Variants in IL34 observed in about 807,000 individuals in gnomAD.
IL34 encodes interleukin 34, also known as interleukin-34.
IL34 carries 17 observed loss-of-function variants against 25.3 expected under a neutral mutation model. The observed-to-expected ratio is 0.67, with a 90% CI of 0.46 to 1.01. The LOEUF is 1.01. IL34 is among the 50% of genes least tolerant of loss of function. The pLI, the probability that IL34 is intolerant of heterozygous loss-of-function variation, is 0.00. For synonymous variants in IL34, 174 were observed against 140.9 expected (o/e 1.23, Z -1.66); for missense variants, 368 against 312.9 (o/e 1.18, Z -1.33).
chr16:70,644,927 GA>G (rs1567460949), upstream of IL34, among the ~76,000 whole-genome samples: 11 of 80,374 alleles, frequency 1.4e-4, no homozygotes, highest in African/African-American at 2.4e-4. Context: ...GAAGGAGGAG[GA>G]AGGAGGAAGA....
chr16:70,624,565 A>G (rs1261014839), intron 1 of IL34, among the ~76,000 whole-genome samples: 1 of 152,194 alleles, frequency 6.6e-6, no homozygotes, highest in African/African-American at 2.4e-5. Flanking sequence ...CAGCCAAACA[A>G]GTCATGAACT....
Position 70,628,778 on chromosome 16 carries a change from C to T in IL34, c.-400-17770C>T, listed in dbSNP as rs2051452904. Among the ~76,000 whole-genome samples the T allele has an allele frequency of 7.4e-5, 11 of 148,910 alleles. No individual in the cohort carries two copies. The South Asian group carries it at 2.1e-3, about 29-fold the overall frequency. ...CTGGGATTACAGGCATGAGCCATCACACCTGGTCTTTTTTTTTTTTTTTTT... is the reference window on the plus strand; with the variant it reads ...CTGGGATTACAGGCATGAGCCATCATACCTGGTCTTTTTTTTTTTTTTTTT... On this transcript the variant is annotated intron_variant, in intron 1 of 6. Coordinates refer to the IL34 transcript ENST00000429149.
At chr16:70,655,240 A>G (rs1042552907) in intron 2 of IL34, among the ~76,000 whole-genome samples, 1 of 150,440 alleles carries the variant, frequency 6.6e-6, no homozygotes, top group African/African-American at 2.5e-5. Flanking sequence ...TTTAGTAGAG[A>G]CGGGGTTTCA....
chr16:70,640,016 T>A (rs563826748), intron 1 of IL34, among the ~76,000 whole-genome samples: 1 of 152,210 alleles, frequency 6.6e-6, no homozygotes, highest in Admixed American at 6.5e-5. Context: ...ATCAGGAAAC[T>A]CTAGGCTGTA....
At chr16:70,603,867 C>G (rs1278127360) in intron 1 of IL34, among the ~76,000 whole-genome samples, 1 of 152,192 alleles carries the variant, frequency 6.6e-6, no homozygotes, top group Non-Finnish European at 1.5e-5. Flanking sequence ...CAGGTGTGCA[C>G]CACTGCACCT....
chr16:70,618,968 G>T (rs962865417), intron 1 of IL34, among the ~76,000 whole-genome samples: 2 of 152,158 alleles, frequency 1.3e-5, no homozygotes, highest in African/African-American at 4.8e-5. Context: ...ATGTAGAACA[G>T]AATAATGGGT....
chr16:70,627,711 C>A (rs1020168197), intron 1 of IL34, among the ~76,000 whole-genome samples: 3 of 152,174 alleles, frequency 2.0e-5, no homozygotes, highest in Non-Finnish European at 4.4e-5. Context: ...CTCAAGAGAT[C>A]TGCCTACTTC....
At chr16:70,628,493 ATTTT>A (rs899078206) in intron 1 of IL34, among the ~76,000 whole-genome samples, 35 of 146,290 alleles carry the variant, frequency 2.4e-4, no homozygotes, top group African/African-American at 7.9e-4. Flanking sequence ...TTATTTATTT[ATTTT>A]TTTTTTTGAG....
At chr16:70,657,552 G>A (rs1252391068) in intron 4 of IL34, among the ~76,000 whole-genome samples, 2 of 152,124 alleles carry the variant, frequency 1.3e-5, no homozygotes, top group Non-Finnish European at 2.9e-5. Flanking sequence ...CCAGCACTTT[G>A]GGAGGCCGAG....
At position 70,656,674 on chromosome 16, in the gene IL34, A is replaced by T. The variant is rs770948622; in HGVS notation, c.235A>T (p.Arg79Trp). The change falls in exon 3 of 6, where the codon AGG (arginine) becomes TGG (tryptophan). Residue 79 changes from arginine (R) to tryptophan (W), a missense_variant. Transcript: ENST00000288098. ...EGVFRIANVTRLQRAQVSERE... is the reference protein window; with the variant it reads ...EGVFRIANVTWLQRAQVSERE... ...GGTGTTCAGAATCGCCAACGTCACC[A>T]GGCTGGTGAGAATCCCTTCCTGGGC... 7.4e-7 allele frequency: 1 copy of T among 1,354,336 alleles called. No individual in the cohort carries two copies. The highest frequency in any genetic ancestry group is 1.1e-6 in the Non-Finnish European group (1 of 942,704). The allele number at this position is 1,354,336 out of a possible 1,614,324, so 83.9% of individuals were successfully genotyped here.
chr16:70,656,309 C>T lies in IL34; in HGVS notation c.163-293C>T, dbSNP rs151006108. 1.2e-3 allele frequency among the ~76,000 whole-genome samples: 178 copies of T among 152,118 alleles called. 1 individual carries two copies. The East Asian group carries it at 0.012, about 10-fold the overall frequency. ...CCCAGCACTTTGAGGGGCTTGAGCC[C>T]GGGATTCAAGACCAGCCTGGGCAAC... On this transcript the variant is annotated intron_variant, in intron 2 of 5. Transcript: ENST00000288098.
rs570353247 is a variant in IL34 at position 70,633,507 on chromosome 16, C to T, written c.-400-13041C>T. On this transcript the variant is annotated intron_variant, in intron 1 of 6. Transcript: ENST00000429149. ...TTCAAACTTCAGACCTCAAATGATC[C>T]TCCAACCTCGGCCTCCCAAAGTGCT... is the stretch of plus-strand genomic sequence containing the variant. 2.4e-4 allele frequency among the ~76,000 whole-genome samples: 37 copies of T among 152,042 alleles called. No individual in the cohort carries two copies. The South Asian group carries it at 4.8e-3, about 20-fold the overall frequency.
chr16:70,590,943 C>T (rs1020056090), intron 1 of IL34, among the ~76,000 whole-genome samples: 1 of 152,216 alleles, frequency 6.6e-6, no homozygotes. Flanking sequence ...TGCGCTGCCC[C>T]TCCCTCTGGC....
Position 70,654,681 on chromosome 16 carries a change from T to A in IL34, c.162+10T>A, listed in dbSNP as rs752203756. ...CCGACTTCAGTACATGGTAACCACG[T>A]GGGCACCAGCTGTGTCCCTGTCCCC... On this transcript the variant is annotated intron_variant, in intron 2 of 5. Transcript: ENST00000288098. The A allele has an allele frequency of 1.9e-6, 3 of 1,597,596 alleles. No homozygotes were observed. The highest frequency in any genetic ancestry group is 2.6e-6 in the Non-Finnish European group (3 of 1,167,552).
chr16:70,594,871 A>T (rs576039567), intron 1 of IL34, among the ~76,000 whole-genome samples: 2 of 151,732 alleles, frequency 1.3e-5, no homozygotes, highest in South Asian at 4.2e-4. Context: ...CTCTGGGCAG[A>T]TTCATATCAA....
intron 1 of IL34, among the ~76,000 whole-genome samples, chr16:70,630,624 G>T (rs888362628): frequency 6.7e-5 from 10 of 150,172 alleles, no homozygotes; most frequent in Non-Finnish European, 1.5e-4. Flanking sequence ...TGTCACCCAG[G>T]CATGATCAGT....
At chr16:70,604,678 A>T (rs926661359) in intron 1 of IL34, among the ~76,000 whole-genome samples, 2 of 152,238 alleles carry the variant, frequency 1.3e-5, no homozygotes, top group Admixed American at 6.5e-5. Context: ...TGCCAGGTCT[A>T]GATTGGACTT....
chr16:70,611,452 G>C (rs1467970724), intron 1 of IL34, among the ~76,000 whole-genome samples: 1 of 152,100 alleles, frequency 6.6e-6, no homozygotes, highest in African/African-American at 2.4e-5. Flanking sequence ...GCAAAAGCCT[G>C]ACCTCTTTGC....
chr16:70,631,641 G>A (rs1298032798), intron 1 of IL34, among the ~76,000 whole-genome samples: 1 of 151,972 alleles, frequency 6.6e-6, no homozygotes, highest in Non-Finnish European at 1.5e-5. Context: ...CAAGAAGAGT[G>A]GAAAAATAAA....
Sources: gnomAD v4.1 joint callset for allele counts (sites outside exome capture counted in the v4.1 genomes callset) on GRCh38, gnomAD v4.1.1 for gene constraint, MANE v1.5 for transcripts, NCBI Gene and HGNC (gene_info 2026-07-23, HGNC 2026-07-21) for gene names.